Variants in DAP observed in about 807,000 individuals in gnomAD.
DAP encodes death associated protein, also known as death-associated protein 1.
Under a neutral mutation model 13.8 loss-of-function variants are expected in DAP, and 8 were observed. That is an observed-to-expected ratio of 0.58 (90% CI 0.34 to 1.05). DAP has a LOEUF of 1.05. DAP is among the 50% of genes least tolerant of loss of function. DAP has a pLI of 0.03. For missense variants in DAP, 106 were observed against 133.2 expected (o/e 0.80, Z 1.01); for synonymous variants, 47 against 47.5 (o/e 0.99, Z 0.04).
intron 2 of DAP, among the ~76,000 whole-genome samples, chr5:10,692,325 G>A (rs892205772): frequency 6.6e-6 from 1 of 152,212 alleles, no homozygotes; most frequent in Non-Finnish European, 1.5e-5. Flanking sequence ...TCTGAGAGGT[G>A]TAAAGCGATG....
At chr5:10,721,608 G>A (rs1047332143) in intron 2 of DAP, among the ~76,000 whole-genome samples, 1 of 152,092 alleles carries the variant, frequency 6.6e-6, no homozygotes, top group African/African-American at 2.4e-5. Flanking sequence ...TAAGGTCGAC[G>A]GGAAACTACA....
rs5745298 is a variant in DAP at position 10,680,214 on chromosome 5, C to A, written c.*842G>T. On this transcript the variant is annotated 3_prime_UTR_variant, in exon 4 of 4. Transcript: ENST00000230895. ...CTGGTCTTTCCAAGCTTTCAACTCTCTGGCTCAAGTGTCCCAGAATGAACT... is the reference window on the plus strand; with the variant it reads ...CTGGTCTTTCCAAGCTTTCAACTCTATGGCTCAAGTGTCCCAGAATGAACT... 1.2e-3 allele frequency: 185 copies of A among 157,406 alleles called. No individual in the cohort carries two copies. Among genetic ancestry groups the A allele is most frequent in the Non-Finnish European group, 2.1e-3 (147 of 71,324 alleles). 9.8% of individuals were successfully genotyped at this position (157,406 alleles called of 1,614,324 possible).
intron 2 of DAP, chr5:10,733,893 T>C (rs994243112): frequency 6.6e-6 from 1 of 152,222 alleles, no homozygotes; most frequent in Admixed American, 6.5e-5. Flanking sequence ...CAACAGGGCT[T>C]ATCTAGATAA....
Position 10,680,424 on chromosome 5 carries a change from G to C in DAP, c.*632C>G, listed in dbSNP as rs139207925. 2,342 of 401,966 alleles carry C rather than the reference G, an allele frequency of 5.8e-3. 10 individuals are homozygous for C. The highest frequency in any genetic ancestry group is 0.011 in the Middle Eastern group (16 of 1,434). The allele number at this position is 401,966 out of a possible 1,614,324, so 24.9% of individuals were successfully genotyped here. A position where few individuals can be genotyped will look rare whatever the true frequency, so the allele number is the denominator to read the frequency against. Reference sequence around the variant, plus strand: ...CCTCCCTCGGAGCTACCTGTCTCCAGCCTCATTCTTTGGCATGTTGACTCC... The same window carrying C: ...CCTCCCTCGGAGCTACCTGTCTCCACCCTCATTCTTTGGCATGTTGACTCC... On this transcript the variant is annotated 3_prime_UTR_variant, in exon 4 of 4. Transcript: ENST00000230895.
At chr5:10,704,668 C>T (rs1218341665) in intron 2 of DAP, among the ~76,000 whole-genome samples, 3 of 152,192 alleles carry the variant, frequency 2.0e-5, no homozygotes, top group African/African-American at 7.2e-5. Flanking sequence ...GGGAATTTTC[C>T]CCAAATTGTA....
intron 2 of DAP, among the ~76,000 whole-genome samples, chr5:10,719,428 C>T (rs941227121): frequency 1.2e-4 from 18 of 152,188 alleles, no homozygotes; most frequent in African/African-American, 4.3e-4. Context: ...TACAGCAGGG[C>T]CCCATAGGCT....
chr5:10,680,994 T>G lies in DAP; in HGVS notation c.*62A>C. Reference sequence around the variant, plus strand: ...TTTGGGCGAAACTGCTGGTTCTCTCTGTCAGGGAAATACCAAGTGCAGCAG... The same window carrying G: ...TTTGGGCGAAACTGCTGGTTCTCTCGGTCAGGGAAATACCAAGTGCAGCAG... On this transcript the variant is annotated 3_prime_UTR_variant, in exon 4 of 4. Coordinates refer to ENST00000230895, the MANE Select transcript of DAP (RefSeq NM_004394.3). The G allele has an allele frequency of 6.4e-7, 1 of 1,551,576 alleles. No individual in the cohort carries two copies. Among genetic ancestry groups the G allele is most frequent in the South Asian group, 1.2e-5 (1 of 84,252 alleles).
rs1740346763 is a variant in DAP, at chr5:10,761,138, A to G, written c.-70T>C. On this transcript the variant is annotated 5_prime_UTR_variant, in exon 1 of 4. Coordinates refer to ENST00000230895, the MANE Select transcript of DAP (RefSeq NM_004394.3). ...CGGGCCGGGCGGGCGTGCGCGAGTG[A>G]GCTCAGGTGTGAGCGCCGGGGAGCG... The G allele has an allele frequency of 3.2e-6, 3 of 942,674 alleles. No individual in the cohort carries two copies. The highest frequency in any genetic ancestry group is 1.4e-6 in the Non-Finnish European group (1 of 735,076). 58.4% of individuals were successfully genotyped at this position (942,674 alleles called of 1,614,324 possible). A position where few individuals can be genotyped will look rare whatever the true frequency, so the allele number is the denominator to read the frequency against.
At chr5:10,688,263 ACCACCACC>A (rs1294776563) in intron 2 of DAP, among the ~76,000 whole-genome samples, 1 of 152,086 alleles carries the variant, frequency 6.6e-6, no homozygotes, top group Non-Finnish European at 1.5e-5. Context: ...ACCTTCAGCA[ACCACCACC>A]CCAATCAGTC....
At position 10,682,042 on chromosome 5, in the gene DAP, G is replaced by A. The variant is rs545149512; in HGVS notation, c.196-873C>T. On this transcript the variant is annotated intron_variant, in intron 3 of 3. Coordinates refer to ENST00000230895, the MANE Select transcript of DAP (RefSeq NM_004394.3). ...CCAGCATCCCTGTAGGAAGCATGGT[G>A]TTTGTGGGTGAGGAAGCCCCAGGCC... Among the ~76,000 whole-genome samples the A allele has an allele frequency of 8.6e-5, 13 of 150,784 alleles. No homozygotes were observed. In the South Asian group the frequency reaches 1.9e-3, roughly 22 times the overall value.
chr5:10,714,113 G>A (rs755381975), intron 2 of DAP, among the ~76,000 whole-genome samples: 2 of 152,148 alleles, frequency 1.3e-5, no homozygotes, highest in Non-Finnish European at 2.9e-5. Context: ...ATGTTTTGAC[G>A]TAACACAGAT....
chr5:10,758,007 A>G (rs1021495531), intron 1 of DAP, among the ~76,000 whole-genome samples: 9 of 152,224 alleles, frequency 5.9e-5, no homozygotes, highest in Admixed American at 1.3e-4. Context: ...AGACAGCAAC[A>G]AAGAGAAGAC....
intron 2 of DAP, among the ~76,000 whole-genome samples, chr5:10,696,539 G>A (rs1738444391): frequency 6.6e-6 from 1 of 152,206 alleles, no homozygotes. Context: ...CCATCTGTAA[G>A]ATGGGAATGA....
chr5:10,750,100 C>T (rs185527096), intron 1 of DAP, among the ~76,000 whole-genome samples: 1 of 152,248 alleles, frequency 6.6e-6, no homozygotes, highest in East Asian at 1.9e-4. Flanking sequence ...CCTTACTGAG[C>T]TTTACCCTTC....
chr5:10,729,795 C>A (rs976192752), intron 2 of DAP, among the ~76,000 whole-genome samples: 2 of 152,154 alleles, frequency 1.3e-5, no homozygotes, highest in Admixed American at 1.3e-4. Flanking sequence ...GAAAATTCAT[C>A]CTTACGGCGA....
At chr5:10,728,349 G>A (rs1434551904) in intron 2 of DAP, among the ~76,000 whole-genome samples, 1 of 152,104 alleles carries the variant, frequency 6.6e-6, no homozygotes, top group Non-Finnish European at 1.5e-5. Context: ...AGCTATCACT[G>A]CTACTTTTTA....
At chr5:10,706,068 T>G (rs550301203) in intron 2 of DAP, among the ~76,000 whole-genome samples, 1 of 152,188 alleles carries the variant, frequency 6.6e-6, no homozygotes, top group African/African-American at 2.4e-5. Context: ...CAGCACAACA[T>G]GGAAAGCAGT....
rs992147319 is a variant in DAP at position 10,707,001 on chromosome 5, G to A, written c.153-23430C>T. On this transcript the variant is annotated intron_variant, in intron 2 of 3. Coordinates refer to ENST00000230895, the MANE Select transcript of DAP (RefSeq NM_004394.3). This position sits in a 1 kb window ranked among gnomAD's most constrained non-coding sequence, Gnocchi z 4.0. ...GAATTCCCACAACTATAAGAGGGAA[G>A]GATGGCAGGCTAAGTTCAAAACCCA... is the stretch of plus-strand genomic sequence containing the variant. 6.6e-6 allele frequency among the ~76,000 whole-genome samples: 1 copy of A among 152,170 alleles called. No individual in the cohort carries two copies. The highest frequency in any genetic ancestry group is 1.5e-5 in the Non-Finnish European group (1 of 68,030).
At chr5:10,692,132 T>C (rs1408718290) in intron 2 of DAP, among the ~76,000 whole-genome samples, 1 of 152,192 alleles carries the variant, frequency 6.6e-6, no homozygotes, top group Non-Finnish European at 1.5e-5. Flanking sequence ...CCCAAATTCA[T>C]AGTTTTAAAA....
Sources: allele counts gnomAD v4.1 joint callset (sites outside exome capture counted in the v4.1 genomes callset), GRCh38; gene constraint gnomAD v4.1.1; non-coding constraint Gnocchi (gnomAD v3.1); transcripts MANE v1.5; gene names NCBI Gene and HGNC (gene_info 2026-07-23, HGNC 2026-07-21).